SMC5: variants seen among roughly 807,000 people sequenced by gnomAD.
The protein encoded by SMC5 is structural maintenance of chromosomes protein 5.
Under a neutral mutation model 148.3 loss-of-function variants are expected in SMC5, and 88 were observed. The ratio of observed to expected loss-of-function variants is 0.59; its 90% CI spans 0.50 to 0.71. SMC5 has a LOEUF of 0.71. SMC5 is among the 30% of genes least tolerant of loss of function. The pLI is 0.00. For missense variants in SMC5, 1,142 were observed against 1,298.9 expected, an observed-to-expected ratio of 0.88 and a Z score of 1.86; for synonymous variants, 421 against 432.8, an observed-to-expected ratio of 0.97 and a Z score of 0.34.
chr9:70,323,463 T>C lies in SMC5; in HGVS notation c.2151-20T>C. On this transcript the variant is annotated intron_variant, in intron 15 of 24. Coordinates refer to ENST00000361138, the MANE Select transcript of SMC5 (RefSeq NM_015110.4). ...CTTATGTTTAACACTGATTTCTTCA[T>C]TATTATATGTGTCATACAGTTTAAA... is the stretch of plus-strand genomic sequence containing the variant. 1 of 1,572,698 alleles carries C rather than the reference T, an allele frequency of 6.4e-7. No individual in the cohort carries two copies. Among genetic ancestry groups the C allele is most frequent in the Non-Finnish European group, 8.6e-7 (1 of 1,165,298 alleles).
intron 20 of SMC5, 34 bp from the exon 21 acceptor site, chr9:70,347,579 T>C: frequency 8.6e-7 from 1 of 1,160,724 alleles, no homozygotes; most frequent in Non-Finnish European, 1.2e-6. Context: ...CTTTGGTAGA[T>C]TTATCTTAAA....
Position 70,315,570 on chromosome 9 carries a change from A to G in SMC5, c.1798A>G (p.Ile600Val). The change falls in exon 13 of 25, where the codon ATT (isoleucine) becomes GTT (valine). Residue 600 changes from isoleucine (I) to valine (V), a missense_variant. Ile to Val is a conservative substitution (Grantham distance 29). Coordinates refer to ENST00000361138, the MANE Select transcript of SMC5 (RefSeq NM_015110.4). Reference protein sequence around the residue: ...PVGTEKTRERIERVIQETRLK... With the variant: ...PVGTEKTRERVERVIQETRLK... ...AGGAACTGAAAAGACCAGAGAAAGA[A>G]TTGAACGGGTAGGAAAGTAGTGAAT... The G allele has an allele frequency of 6.3e-7, 1 of 1,578,168 alleles. No homozygotes were observed. Among genetic ancestry groups the G allele is most frequent in the Non-Finnish European group, 8.6e-7 (1 of 1,161,258 alleles).
At chr9:70,350,676 T>G (rs1191787904) in intron 24 of SMC5, among the ~76,000 whole-genome samples, 1 of 152,180 alleles carries the variant, frequency 6.6e-6, no homozygotes, top group African/African-American at 2.4e-5. Flanking sequence ...GGCATATTAT[T>G]ATGTTCTAAA....
chr9:70,259,269 T>C lies in SMC5; in HGVS notation c.185+6T>C. The C allele has an allele frequency of 6.4e-7, 1 of 1,569,550 alleles. No homozygotes were observed. The highest frequency in any genetic ancestry group is 1.2e-5 in the South Asian group (1 of 85,702). ...ATCTCGATGGAGAACTTCCTGTAAG[T>C]TGCCCGGAGGCCGCGCCGCGGGTGT... On this transcript the variant is annotated splice_donor_region_variant and intron_variant, in intron 1 of 24. Coordinates refer to ENST00000361138, the MANE Select transcript of SMC5 (RefSeq NM_015110.4).
intron 15 of SMC5, among the ~76,000 whole-genome samples, chr9:70,321,892 C>G (rs1243029316): frequency 6.7e-6 from 1 of 149,786 alleles, no homozygotes. Context: ...ATAACACAGC[C>G]CACAGCTTTT....
In SMC5 at chr9:70,321,394, CT is replaced by C. The variant is rs11390673; in HGVS notation, c.2151-2073del. Among the ~76,000 whole-genome samples the C allele has an allele frequency of 6.7e-3, 913 of 135,834 alleles. 2 individuals are homozygous for C. Among genetic ancestry groups the C allele is most frequent in the African/African-American group, 0.016 (579 of 37,306 alleles). The allele number at this position is 135,834 out of a possible 152,430, so 89.1% of individuals were successfully genotyped here. On this transcript the variant is annotated intron_variant, in intron 15 of 24. Transcript: ENST00000361138. Reference sequence around the variant, plus strand: ...ATGTAAATATAATATTGTCAAATGTCTTTTTTTTTTTTTTTTGAGACGGGGT... The same window carrying C: ...ATGTAAATATAATATTGTCAAATGTCTTTTTTTTTTTTTTTGAGACGGGGT...
At chr9:70,281,444 A>G (rs189151794) in intron 6 of SMC5, among the ~76,000 whole-genome samples, 1 of 152,292 alleles carries the variant, frequency 6.6e-6, no homozygotes, top group East Asian at 1.9e-4. Flanking sequence ...TCCTCAACAG[A>G]TAGTTTTTGA....
At chr9:70,328,296 G>T (rs1235496235) in intron 17 of SMC5, among the ~76,000 whole-genome samples, 1 of 152,150 alleles carries the variant, frequency 6.6e-6, no homozygotes, top group Non-Finnish European at 1.5e-5. Flanking sequence ...AGTTGAATCT[G>T]AGACAAGGCA....
chr9:70,260,836 C>T (rs946533337), intron 1 of SMC5, among the ~76,000 whole-genome samples: 1 of 152,172 alleles, frequency 6.6e-6, no homozygotes, highest in African/African-American at 2.4e-5. Flanking sequence ...TGGACCTCCC[C>T]TTCTCAAGTG....
rs764882867 is a variant in SMC5 at position 70,314,809 on chromosome 9, C to G, written c.1646C>G (p.Ala549Gly). The G allele has an allele frequency of 5.1e-6, 8 of 1,567,608 alleles. No individual in the cohort carries two copies. The highest frequency in any genetic ancestry group is 6.9e-6 in the Non-Finnish European group (8 of 1,155,422). The change falls in exon 12 of 25, where the codon GCA (alanine) becomes GGA (glycine). Residue 549 changes from alanine (A) to glycine (G), a missense_variant. Around this residue, in one of 5 missense-constraint regions of SMC5, gnomAD observed 743 missense variants for 835.7 expected, o/e 0.89. Coordinates refer to ENST00000361138, the MANE Select transcript of SMC5 (RefSeq NM_015110.4). Reference sequence around the variant, plus strand: ...CCCAAGAGTTCATATGCAGACAAAGCACCTTCAAGATCTTTGAATGAACTT... The same window carrying G: ...CCCAAGAGTTCATATGCAGACAAAGGACCTTCAAGATCTTTGAATGAACTT... Reference protein sequence around the residue: ...IAPKSSYADKAPSRSLNELKQ... With the variant: ...IAPKSSYADKGPSRSLNELKQ...
At chr9:70,278,011 T>G (rs918430131) in intron 4 of SMC5, among the ~76,000 whole-genome samples, 6 of 144,576 alleles carry the variant, frequency 4.2e-5, no homozygotes, top group Non-Finnish European at 7.7e-5. Flanking sequence ...TCTTTTTTGT[T>G]CAGAAACACA....
At chr9:70,267,257 A>G (rs1221408069) in intron 2 of SMC5, among the ~76,000 whole-genome samples, 1 of 152,084 alleles carries the variant, frequency 6.6e-6, no homozygotes, top group Non-Finnish European at 1.5e-5. Context: ...TACCTTTTTT[A>G]ATATTTATCA....
intron 15 of SMC5, 30 bp downstream of exon 15, chr9:70,318,993 C>T (rs764157679): frequency 3.8e-6 from 6 of 1,566,428 alleles, no homozygotes; most frequent in Non-Finnish European, 5.2e-6. Context: ...GGGGGGAGAG[C>T]ACAAATTACT....
At chr9:70,327,065 C>T (rs577914070) in intron 17 of SMC5, among the ~76,000 whole-genome samples, 15 of 152,152 alleles carry the variant, frequency 9.9e-5, no homozygotes, top group East Asian at 3.9e-4. Flanking sequence ...ATGTAAATAT[C>T]GGAATGAACT....
intron 1 of SMC5, 44 bp downstream of exon 1, chr9:70,259,307 G>C: frequency 6.6e-7 from 1 of 1,511,620 alleles, no homozygotes; most frequent in Non-Finnish European, 8.9e-7. Flanking sequence ...AGGTGTGCTG[G>C]CCAGCAGGCC....
intron 1 of SMC5, 109 bp downstream of exon 1, chr9:70,259,372 G>GAGAC: frequency 8.3e-7 from 1 of 1,198,718 alleles, no homozygotes; most frequent in East Asian, 2.7e-5. Flanking sequence ...CTGGCTTGTG[G>GAGAC]GTCTGGCCTT....
chr9:70,269,627 A>G (rs751336131), intron 3 of SMC5, among the ~76,000 whole-genome samples: 12 of 152,276 alleles, frequency 7.9e-5, no homozygotes, highest in Non-Finnish European at 1.3e-4. Flanking sequence ...AAATTAATAC[A>G]TACATTTGAT....
chr9:70,331,714 A>T (rs369453364), intron 17 of SMC5, among the ~76,000 whole-genome samples: 1 of 152,184 alleles, frequency 6.6e-6, no homozygotes, highest in African/African-American at 2.4e-5. Context: ...CTACTTTTGT[A>T]TATGTTTGAA....
intron 6 of SMC5, among the ~76,000 whole-genome samples, chr9:70,282,217 A>G (rs1196013925): frequency 6.6e-6 from 1 of 152,146 alleles, no homozygotes; most frequent in East Asian, 1.9e-4. Flanking sequence ...ATAAACGCTC[A>G]GTGATTATCA....
Sources: gnomAD v4.1 joint callset for allele counts (sites outside exome capture counted in the v4.1 genomes callset) on GRCh38, gnomAD v4.1.1 for gene constraint, gnomAD v4.1.1 regional missense constraint, MANE v1.5 for transcripts, NCBI Gene and HGNC (gene_info 2026-07-23, HGNC 2026-07-21) for gene names.